Variants in CACNA1I observed in about 807,000 individuals in gnomAD.
CACNA1I encodes voltage-dependent T-type calcium channel subunit alpha-1I.
Under a neutral mutation model 201.6 loss-of-function variants are expected in CACNA1I, and 74 were observed. That is an observed-to-expected ratio of 0.37 (90% confidence interval 0.30 to 0.45). The LOEUF is 0.45. CACNA1I is among the 20% of genes least tolerant of loss of function. CACNA1I has a pLI of 1.00. For synonymous variants in CACNA1I, 1,431 were observed against 1,345.2 expected (o/e 1.06, Z -1.40); for missense variants, 2,346 against 3,138.1 (o/e 0.75, Z 6.03).
At chr22:39,673,223 CAG>C in intron 28 of CACNA1I, 141 bp downstream of exon 28, 1 of 925,158 alleles carries the variant, frequency 1.1e-6, no homozygotes, top group Non-Finnish European at 1.6e-6. Flanking sequence ...CCTTGCTGAA[CAG>C]GGGTGAGAAG....
chr22:39,680,803 G>A, intron 33 of CACNA1I, 127 bp from the exon 34 acceptor site: 1 of 987,696 alleles, frequency 1.0e-6, no homozygotes, highest in Non-Finnish European at 1.4e-6. Flanking sequence ...TGTCCAGCAG[G>A]TGTCTGGACC....
chr22:39,673,007 G>A lies in CACNA1I; in HGVS notation c.4708G>A (p.Glu1570Lys). The part of the protein sequence containing the change: ...LLSVMGITLE[E>K]IEINAALPIN... ...GTCAGTCATGGGCATCACCCTGGAG[G>A]AGATCGAGATCAATGCGGCCCTGCC... The change falls in exon 28 of 37, where the codon GAG becomes AAG. Residue 1570 changes from glutamate (E) to lysine (K), a missense_variant. Glu to Lys is a moderately conservative substitution (Grantham distance 56, BLOSUM62 1). Coordinates refer to ENST00000402142, the MANE Select transcript of CACNA1I (RefSeq NM_021096.4). 1 of 1,613,892 alleles carries A rather than the reference G, an allele frequency of 6.2e-7. No individual in the cohort carries two copies. Among genetic ancestry groups the A allele is most frequent in the African/African-American group, 1.3e-5 (1 of 75,030 alleles).
In CACNA1I at chr22:39,677,486, G is replaced by A. The variant is rs759780885; in HGVS notation, c.4933+67G>A. 75 of 1,115,040 alleles carry A rather than the reference G, an allele frequency of 6.7e-5. No individual in the cohort carries two copies. Among genetic ancestry groups the A allele is most frequent in the Non-Finnish European group, 6.5e-5 (52 of 795,484 alleles). The allele number at this position is 1,115,040 out of a possible 1,614,324, so 69.1% of individuals were successfully genotyped here. ...GGGCTGCAGGAGGAACTGGGGGGGC[G>A]GGGGAGGCCTGAGACCCCTGAGCCC... On this transcript the variant is annotated intron_variant, in intron 30 of 36. Coordinates refer to ENST00000402142, the MANE Select transcript of CACNA1I (RefSeq NM_021096.4). This position sits in a 1 kb window ranked among gnomAD's most constrained non-coding sequence, Gnocchi z 4.8.
At position 39,677,297 on chromosome 22, in the gene CACNA1I, CA is replaced by C; in HGVS notation, c.4855-43del. 2 of 1,395,444 alleles carry C rather than the reference CA, an allele frequency of 1.4e-6. No homozygotes were observed. The highest frequency in any genetic ancestry group is 2.0e-6 in the Non-Finnish European group (2 of 1,014,740). The allele number at this position is 1,395,444 out of a possible 1,614,324, so 86.4% of individuals were successfully genotyped here. On this transcript the variant is annotated intron_variant, in intron 29 of 36. Coordinates refer to ENST00000402142, the MANE Select transcript of CACNA1I (RefSeq NM_021096.4). This position sits in a 1 kb window ranked among gnomAD's most constrained non-coding sequence, Gnocchi z 4.8. ...ACCCTTCCCAGGCCTGGTGCGCCCCCACCCGCTCCCCAGCCCCACCCGGCCT... is the reference window on the plus strand; with the variant it reads ...ACCCTTCCCAGGCCTGGTGCGCCCCCCCCGCTCCCCAGCCCCACCCGGCCT...
rs113078126 is a variant in CACNA1I, at chr22:39,597,289, C to G, written c.237-862C>G. Among the ~76,000 whole-genome samples, 1,356 of 152,292 alleles carry G rather than the reference C, an allele frequency of 8.9e-3. 13 individuals carry two copies. The highest frequency in any genetic ancestry group is 0.024 in the African/African-American group (1,005 of 41,558). Reference sequence around the variant, plus strand: ...AGGCCTGACCTCCCTGGTCCTGTGACTGGGAGGATAGACAGTGGCGGGACT... The same window carrying G: ...AGGCCTGACCTCCCTGGTCCTGTGAGTGGGAGGATAGACAGTGGCGGGACT... On this transcript the variant is annotated intron_variant, in intron 1 of 36. Coordinates refer to ENST00000402142, the MANE Select transcript of CACNA1I (RefSeq NM_021096.4).
chr22:39,679,727 C>A lies in CACNA1I; in HGVS notation c.5400C>A (p.Asn1800Lys), dbSNP rs746664233. ...CRRCYSPAQE[N>K]LWLDSVSLII... The stretch of plus-strand genomic sequence containing the variant: ...CCCCGTCCCCGTCCGCCTAGGAGAA[C>A]CTGTGGCTGGACAGCGTCTCTTTAA... The change falls in exon 33 of 37, where the codon AAC becomes AAA. Residue 1800 changes from asparagine (N) to lysine (K), a missense_variant. By Grantham distance (94) the Asn-to-Lys change is moderately conservative. Transcript: ENST00000402142. The A allele has an allele frequency of 1.9e-5, 30 of 1,611,542 alleles. No homozygotes were observed. Among genetic ancestry groups the A allele is most frequent in the South Asian group, 1.8e-4 (16 of 90,652 alleles).
chr22:39,614,059 G>C (rs1169507883), intron 3 of CACNA1I, among the ~76,000 whole-genome samples: 1 of 152,020 alleles, frequency 6.6e-6, no homozygotes, highest in African/African-American at 2.4e-5. Context: ...TGTTAGCCAG[G>C]CTGGTCTTGA....
intron 1 of CACNA1I, among the ~76,000 whole-genome samples, chr22:39,591,221 G>A (rs887813312): frequency 1.4e-4 from 21 of 149,358 alleles, no homozygotes; most frequent in African/African-American, 5.2e-4. Flanking sequence ...GTGCAATGGC[G>A]CGATCTCAGC....
At chr22:39,612,637 C>T (rs1444738552) in intron 3 of CACNA1I, among the ~76,000 whole-genome samples, 1 of 152,146 alleles carries the variant, frequency 6.6e-6, no homozygotes, top group East Asian at 1.9e-4. Context: ...TCTTGAGGGC[C>T]CTGCCTTCAT....
intron 4 of CACNA1I, among the ~76,000 whole-genome samples, chr22:39,627,364 A>C (rs963404789): frequency 6.6e-6 from 1 of 152,132 alleles, no homozygotes; most frequent in Non-Finnish European, 1.5e-5. Context: ...AGGGCAGAGG[A>C]GGGAGAGCAT....
At chr22:39,599,874 A>T (rs1348719898) in intron 2 of CACNA1I, among the ~76,000 whole-genome samples, 2 of 152,154 alleles carry the variant, frequency 1.3e-5, no homozygotes, top group Non-Finnish European at 2.9e-5. Context: ...AGCCCTCACT[A>T]ATCCTGGAAA....
chr22:39,640,734 G>A (rs1934331142), intron 5 of CACNA1I, 133 bp from the exon 6 acceptor site: 1 of 725,046 alleles, frequency 1.4e-6, no homozygotes, highest in Non-Finnish European at 2.3e-6. Context: ...ACCAAGGCAG[G>A]GGAACAGCAT....
In CACNA1I at chr22:39,576,511, C is replaced by G. The variant is rs561051074; in HGVS notation, c.236+5523C>G. Among the ~76,000 whole-genome samples the G allele has an allele frequency of 4.6e-5, 7 of 152,350 alleles. No homozygotes were observed. The South Asian group carries it at 1.4e-3, about 32-fold the overall frequency. ...CCACCTGCAGAGTCTGGAGAAACAC[C>G]AGGTTCTCCACACTCCACCAGGGCA... is the stretch of plus-strand genomic sequence containing the variant. On this transcript the variant is annotated intron_variant, in intron 1 of 36. Transcript: ENST00000402142.
At position 39,685,500 on chromosome 22, in the gene CACNA1I, T is replaced by C. The variant is rs1935833421; in HGVS notation, c.6028-261T>C. Among the ~76,000 whole-genome samples, 1 of 149,564 alleles carries C rather than the reference T, an allele frequency of 6.7e-6. No individual in the cohort carries two copies. Among genetic ancestry groups the C allele is most frequent in the Non-Finnish European group, 1.5e-5 (1 of 67,572 alleles). On this transcript the variant is annotated intron_variant, in intron 36 of 36. Transcript: ENST00000402142. The surrounding 1 kb of genome is among the most constrained non-coding windows in gnomAD (Gnocchi z 5.0). ...CCAGGGCTTCCCCTTGGAGTGAGCC[T>C]GGAGCCTTCTGTGACGGGCAGGGCC... is the stretch of plus-strand genomic sequence containing the variant.
intron 1 of CACNA1I, among the ~76,000 whole-genome samples, chr22:39,579,186 C>T (rs951091062): frequency 4.6e-5 from 7 of 152,242 alleles, no homozygotes; most frequent in Admixed American, 3.3e-4. Flanking sequence ...AGGCACTCTC[C>T]AGTTCACAGA....
At chr22:39,642,169 A>T (rs1934367958) in intron 6 of CACNA1I, among the ~76,000 whole-genome samples, 3 of 152,080 alleles carry the variant, frequency 2.0e-5, no homozygotes, top group Admixed American at 2.0e-4. Context: ...TTGTTCAGAG[A>T]TGCAGGGTGT....
intron 1 of CACNA1I, among the ~76,000 whole-genome samples, chr22:39,573,097 G>A (rs981652486): frequency 2.0e-5 from 3 of 152,128 alleles, no homozygotes; most frequent in African/African-American, 4.8e-5. Flanking sequence ...AACCTCAGGG[G>A]CTTGTGGCAT....
rs779053251 is a variant in CACNA1I, at chr22:39,670,894, C to T, written c.4479C>T (p.Ile1493=). ...CCAGCCACTACCTGGACATCTTCAT[C>T]ACCTTCATCATCTGCCTCAACGTGG... The part of the protein sequence containing the change: ...MCTSHYLDIF[I]TFIICLNVVT... The change falls in exon 26 of 37, where the codon ATC becomes ATT. Residue 1493 remains isoleucine, a synonymous_variant. Transcript: ENST00000402142. 1 of 1,613,936 alleles carries T rather than the reference C, an allele frequency of 6.2e-7. No homozygotes were observed.
intron 11 of CACNA1I, among the ~76,000 whole-genome samples, chr22:39,658,653 C>G (rs1346581170): frequency 6.6e-6 from 1 of 152,202 alleles, no homozygotes; most frequent in Non-Finnish European, 1.5e-5. Flanking sequence ...CATTCATAAC[C>G]AAAAGACACG....
Sources: gnomAD v4.1 joint callset for allele counts (sites outside exome capture counted in the v4.1 genomes callset) on GRCh38, gnomAD v4.1.1 for gene constraint, Gnocchi (gnomAD v3.1) non-coding constraint, MANE v1.5 for transcripts, NCBI Gene and HGNC (gene_info 2026-07-23, HGNC 2026-07-21) for gene names.